NGLY1: variants seen among roughly 807,000 people sequenced by gnomAD.
The protein encoded by NGLY1 is N-glycanase 1.
Under a neutral mutation model 84.6 loss-of-function variants are expected in NGLY1, and 68 were observed. That is an observed-to-expected ratio of 0.80 (90% CI 0.66 to 0.98). The LOEUF is 0.98. Ranked by LOEUF, NGLY1 falls within the 50% of genes least tolerant of loss-of-function variation. The pLI is 0.00. For missense variants in NGLY1, 779 were observed against 770.2 expected, an observed-to-expected ratio of 1.01 and a Z score of -0.14; for synonymous variants, 280 against 275.2, an observed-to-expected ratio of 1.02 and a Z score of -0.17.
chr3:25,781,179 A>C (rs953179939), intron 1 of NGLY1, among the ~76,000 whole-genome samples: 1 of 152,012 alleles, frequency 6.6e-6, no homozygotes, highest in Non-Finnish European at 1.5e-5. Flanking sequence ...TCAAACTCCT[A>C]AGCTCAAGCA....
In NGLY1 at chr3:25,719,459, C is replaced by G; in HGVS notation, c.*1G>C. ...CCAGCTTTTCTATAATGTTCAGGTT[C>G]TCAAAGGTCACTGAATTTTATAATT... On this transcript the variant is annotated 3_prime_UTR_variant, in exon 12 of 12. Transcript: ENST00000280700. 1 of 1,612,930 alleles carries G rather than the reference C, an allele frequency of 6.2e-7. No homozygotes were observed. Among genetic ancestry groups the G allele is most frequent in the Non-Finnish European group, 8.5e-7 (1 of 1,179,154 alleles).
At chr3:25,779,711 A>C (rs974890391) in intron 1 of NGLY1, among the ~76,000 whole-genome samples, 1 of 152,212 alleles carries the variant, frequency 6.6e-6, no homozygotes, top group Non-Finnish European at 1.5e-5. Context: ...ACCAAAAACC[A>C]AATATTTTAA....
At chr3:25,760,276 A>G (rs1707244037) in intron 3 of NGLY1, among the ~76,000 whole-genome samples, 1 of 152,044 alleles carries the variant, frequency 6.6e-6, no homozygotes, top group Non-Finnish European at 1.5e-5. Flanking sequence ...ATATATATGT[A>G]TGTGTGTGTG....
At position 25,732,402 on chromosome 3, in the gene NGLY1, T is replaced by G. The variant is rs770653213; in HGVS notation, c.1342A>C (p.Lys448Gln). ...IVELVEFISPKTPKPGELGGR... is the reference protein window; with the variant it reads ...IVELVEFISPQTPKPGELGGR... The stretch of plus-strand genomic sequence containing the variant: ...CCAAGTTCTCCAGGTTTAGGGGTTT[T>G]GGGAGATATAAATTCAACAAGCTCC... The change falls in exon 9 of 12, where the codon AAA (lysine) becomes CAA (glutamine). Residue 448 changes from lysine (K) to glutamine (Q), a missense_variant. By Grantham distance (53) the Lys-to-Gln change is moderately conservative. Transcript: ENST00000280700. 13 of 1,613,666 alleles carry G rather than the reference T, an allele frequency of 8.1e-6. No individual in the cohort carries two copies. The highest frequency in any genetic ancestry group is 1.3e-5 in the African/African-American group (1 of 74,888).
At chr3:25,735,874 A>G (rs1705788775) in intron 7 of NGLY1, 130 bp downstream of exon 7, 3 of 827,370 alleles carry the variant, frequency 3.6e-6, no homozygotes, top group Non-Finnish European at 5.4e-6. Flanking sequence ...GTATACAAAT[A>G]AAACTTATCA....
chr3:25,784,700 A>G (rs1190450329), upstream of NGLY1, among the ~76,000 whole-genome samples: 1 of 152,190 alleles, frequency 6.6e-6, no homozygotes, highest in Non-Finnish European at 1.5e-5. Context: ...TCCGAACAAG[A>G]CCCTAAGCTA....
intron 3 of NGLY1, among the ~76,000 whole-genome samples, chr3:25,762,620 T>C (rs1707370499): frequency 6.6e-6 from 1 of 152,162 alleles, no homozygotes; most frequent in Admixed American, 6.5e-5. Context: ...GGACAGGATT[T>C]TAAAGACCTG....
intron 9 of NGLY1, chr3:25,730,539 T>C (rs1705489348): frequency 1.3e-5 from 2 of 152,160 alleles, no homozygotes; most frequent in South Asian, 4.1e-4. Flanking sequence ...ATGTTTTAAA[T>C]TGAACACAGC....
chr3:25,736,492 G>A, intron 6 of NGLY1: 1 of 964,084 alleles, frequency 1.0e-6, no homozygotes, highest in Non-Finnish European at 1.6e-6. Context: ...TGAAACTACA[G>A]TCTCTCTCTC....
At chr3:25,730,509 TGAA>T (rs1705487973) in intron 9 of NGLY1, 1 of 152,118 alleles carries the variant, frequency 6.6e-6, no homozygotes, top group Admixed American at 6.6e-5. Context: ...TAAAAAGAAA[TGAA>T]GACCTAAATA....
chr3:25,737,743 A>C (rs555873332), intron 5 of NGLY1, among the ~76,000 whole-genome samples: 2 of 152,076 alleles, frequency 1.3e-5, no homozygotes, highest in Non-Finnish European at 2.9e-5. Context: ...ACGGGGTTTC[A>C]CCATGTTAGC....
intron 7 of NGLY1, 144 bp from the exon 8 acceptor site, chr3:25,734,126 G>C: frequency 9.0e-7 from 1 of 1,112,680 alleles, no homozygotes; most frequent in Non-Finnish European, 1.2e-6. Flanking sequence ...GAGTGCAGTG[G>C]CGTGATCTCA....
intron 4 of NGLY1, among the ~76,000 whole-genome samples, chr3:25,748,807 A>C (rs1325614572): frequency 6.6e-6 from 1 of 152,194 alleles, no homozygotes; most frequent in Non-Finnish European, 1.5e-5. Flanking sequence ...ATTTAAATTC[A>C]CTAATGACGC....
chr3:25,737,370 C>T lies in NGLY1; in HGVS notation c.967G>A (p.Val323Ile), dbSNP rs1279950302. ...ANCFTLCCRAVGFEARYVWDY... is the reference protein window; with the variant it reads ...ANCFTLCCRAIGFEARYVWDY... Reference sequence around the variant, plus strand: ...CAAACATAGCGAGCTTCAAACCCTACAGCTCGGCAGCACAGTGTAAAACAA... The same window carrying T: ...CAAACATAGCGAGCTTCAAACCCTATAGCTCGGCAGCACAGTGTAAAACAA... Residue 323 changes from valine (V) to isoleucine (I), a missense_variant, in exon 6 of 12, where the codon GTA becomes ATA. Physicochemically the swap from Val to Ile is conservative, Grantham distance 29. Coordinates refer to ENST00000280700, the MANE Select transcript of NGLY1 (RefSeq NM_018297.4). 3.1e-6 allele frequency: 5 copies of T among 1,613,738 alleles called. No individual in the cohort carries two copies. The highest frequency in any genetic ancestry group is 2.7e-5 in the African/African-American group (2 of 74,964).
At chr3:25,756,139 A>C (rs1363529036) in intron 3 of NGLY1, among the ~76,000 whole-genome samples, 2 of 152,264 alleles carry the variant, frequency 1.3e-5, no homozygotes, top group Admixed American at 6.5e-5. Flanking sequence ...GTGGATTTAG[A>C]GGAGAGATTC....
chr3:25,776,131 CCATTTG>C (rs1293642046), intron 2 of NGLY1, among the ~76,000 whole-genome samples: 1 of 152,188 alleles, frequency 6.6e-6, no homozygotes, highest in Non-Finnish European at 1.5e-5. Flanking sequence ...GACTGTGACT[CCATTTG>C]CATCAAATAC....
intron 3 of NGLY1, among the ~76,000 whole-genome samples, chr3:25,761,423 T>C (rs1400802554): frequency 6.6e-6 from 1 of 152,164 alleles, no homozygotes; most frequent in Non-Finnish European, 1.5e-5. Context: ...GTTACTTCCA[T>C]TAGGAACACT....
chr3:25,753,572 A>G (rs1466448560), intron 3 of NGLY1, among the ~76,000 whole-genome samples: 1 of 152,148 alleles, frequency 6.6e-6, no homozygotes, highest in African/African-American at 2.4e-5. Context: ...CAAGGAAGGG[A>G]GCAGAACAGA....
rs1704846607 is a variant in NGLY1, at chr3:25,719,085, AGAAAT to A, written c.*370_*374del. ...GAGACTCTAATTTAACCACTTCTGA[AGAAAT>A]GAATGGCTGATCAGAAAATGTCAAA... On this transcript the variant is annotated 3_prime_UTR_variant, in exon 12 of 12. Coordinates refer to ENST00000280700, the MANE Select transcript of NGLY1 (RefSeq NM_018297.4). 1 of 156,368 alleles carries A rather than the reference AGAAAT, an allele frequency of 6.4e-6. No homozygotes were observed. The highest frequency in any genetic ancestry group is 2.4e-5 in the African/African-American group (1 of 41,632). The allele number at this position is 156,368 out of a possible 1,614,324, so 9.7% of individuals were successfully genotyped here. A position where few individuals can be genotyped will look rare whatever the true frequency, so the allele number is the denominator to read the frequency against.
Sources: gnomAD v4.1 joint callset for allele counts (sites outside exome capture counted in the v4.1 genomes callset) on GRCh38, gnomAD v4.1.1 for gene constraint, MANE v1.5 for transcripts, NCBI Gene and HGNC (gene_info 2026-07-23, HGNC 2026-07-21) for gene names.